SLC4A7: variants seen among roughly 807,000 people sequenced by gnomAD.
The protein encoded by SLC4A7 is solute carrier family 4 member 7.
SLC4A7 carries 51 observed loss-of-function variants against 137.6 expected under a neutral mutation model. That is an observed-to-expected ratio of 0.37 (90% CI 0.30 to 0.47). The LOEUF is 0.47. Among genes scored for constraint, SLC4A7 ranks in the 20% least tolerant of loss-of-function variants. The pLI, the probability that SLC4A7 is intolerant of heterozygous loss-of-function variation, is 1.00. For synonymous variants in SLC4A7, 542 were observed against 518.6 expected (o/e 1.05, Z -0.61); for missense variants, 1,247 against 1,525.4 (o/e 0.82, Z 3.04).
At chr3:27,418,065 A>C (rs1028874441) in intron 11 of SLC4A7, among the ~76,000 whole-genome samples, 3 of 152,218 alleles carry the variant, frequency 2.0e-5, no homozygotes, top group African/African-American at 7.2e-5. Flanking sequence ...TTGAAATAGC[A>C]AAAGACTGGT....
chr3:27,423,969 G>A lies in SLC4A7; in HGVS notation c.1266+68C>T, dbSNP rs754017210. 9 of 928,472 alleles carry A rather than the reference G, an allele frequency of 9.7e-6. No individual in the cohort carries two copies. In the African/African-American group the frequency reaches 1.5e-4, roughly 15 times the overall value. 57.5% of individuals were successfully genotyped at this position (928,472 alleles called of 1,614,324 possible). On this transcript the variant is annotated intron_variant, in intron 8 of 25. Coordinates refer to ENST00000454389, the MANE Select transcript of SLC4A7 (RefSeq NM_001321103.2). ...ACTATCATCAATGTTAATAATATTAGCCACAAATTACTACTTATTTCCTCA... is the reference window on the plus strand; with the variant it reads ...ACTATCATCAATGTTAATAATATTAACCACAAATTACTACTTATTTCCTCA...
chr3:27,416,679 G>A (rs1047282937), intron 11 of SLC4A7, among the ~76,000 whole-genome samples: 2 of 152,096 alleles, frequency 1.3e-5, no homozygotes, highest in African/African-American at 4.8e-5. Context: ...GGTCAACTGT[G>A]TATGTATATA....
In SLC4A7 at chr3:27,416,007, C is replaced by T. The variant is rs536750424; in HGVS notation, c.1659+2479G>A. 4.4e-4 allele frequency among the ~76,000 whole-genome samples: 67 copies of T among 152,334 alleles called. No homozygotes were observed. In the Middle Eastern group the frequency reaches 0.01, roughly 23 times the overall value. Reference sequence around the variant, plus strand: ...TCTATGGTACATACCAAGAATTCAACTTCATCTTACATTTGTATGACTTTT... The same window carrying T: ...TCTATGGTACATACCAAGAATTCAATTTCATCTTACATTTGTATGACTTTT... On this transcript the variant is annotated intron_variant, in intron 11 of 25. Transcript: ENST00000454389.
chr3:27,438,399 G>A (rs1005527207), intron 3 of SLC4A7, among the ~76,000 whole-genome samples: 1 of 151,852 alleles, frequency 6.6e-6, no homozygotes, highest in Non-Finnish European at 1.5e-5. Flanking sequence ...CAGCTACTCC[G>A]GAGGCTGAGG....
chr3:27,462,442 T>C (rs2058750997), intron 1 of SLC4A7: 1 of 152,202 alleles, frequency 6.6e-6, no homozygotes, highest in Non-Finnish European at 1.5e-5. Context: ...TGATGTTTGG[T>C]GTCACTGAGG....
chr3:27,433,432 C>T (rs1185710651), intron 6 of SLC4A7, among the ~76,000 whole-genome samples: 1 of 152,174 alleles, frequency 6.6e-6, no homozygotes, highest in Non-Finnish European at 1.5e-5. Context: ...GCCACACAAC[C>T]TGCCTGTAAC....
intron 19 of SLC4A7, 79 bp downstream of exon 19, chr3:27,394,875 C>T: frequency 6.5e-7 from 1 of 1,536,492 alleles, no homozygotes; most frequent in Non-Finnish European, 8.8e-7. Context: ...CATCTTACAT[C>T]TTTTAATGTT....
chr3:27,458,054 G>C (rs2058503238), intron 1 of SLC4A7, among the ~76,000 whole-genome samples: 1 of 152,110 alleles, frequency 6.6e-6, no homozygotes, highest in South Asian at 2.1e-4. Context: ...TCACAATTCA[G>C]GCAATTAACC....
intron 5 of SLC4A7, among the ~76,000 whole-genome samples, chr3:27,436,138 AC>A (rs1481816332): frequency 6.6e-6 from 1 of 152,224 alleles, no homozygotes; most frequent in African/African-American, 2.4e-5. Context: ...AAACAAGGAA[AC>A]AAAAAACTCT....
At chr3:27,453,098 A>C (rs2371065) in intron 1 of SLC4A7, among the ~76,000 whole-genome samples, 27,668 of 152,198 alleles carry the variant, frequency 0.18, 2,927 homozygotes, top group Non-Finnish European at 0.25. Context: ...TCCCACCTTC[A>C]TAATTTTGTT....
In SLC4A7 at chr3:27,385,977, G is replaced by A. The variant is rs767580317; in HGVS notation, c.3407C>T (p.Thr1136Met). Residue 1136 changes from threonine (T) to methionine (M), a missense_variant, in exon 23 of 26, where the codon ACG (threonine) becomes ATG (methionine). Physicochemically the swap from Thr to Met is moderately conservative, Grantham distance 81. This residue lies in a region of SLC4A7 where 290 missense variants were observed against 323.8 expected (regional missense o/e 0.90). Transcript: ENST00000454389. Reference sequence around the variant, plus strand: ...ATCAAGCCAACTAAGTTCTCTCTTCGTGAAACACAGGTCCATGAGTTTGCG... The same window carrying A: ...ATCAAGCCAACTAAGTTCTCTCTTCATGAAACACAGGTCCATGAGTTTGCG... ...FVRKLMDLCF[T>M]KRELSWLDDL... is the part of the protein sequence containing the mutation. 13 of 1,608,458 alleles carry A rather than the reference G, an allele frequency of 8.1e-6. No individual in the cohort carries two copies. Among genetic ancestry groups the A allele is most frequent in the South Asian group, 6.6e-5 (6 of 90,346 alleles).
chr3:27,387,066 T>C (rs2051034610), intron 22 of SLC4A7, among the ~76,000 whole-genome samples: 4 of 152,206 alleles, frequency 2.6e-5, no homozygotes, highest in Admixed American at 2.0e-4. Context: ...CTGATTTGTC[T>C]ATTCATATGC....
chr3:27,390,707 T>C, intron 21 of SLC4A7, among the ~76,000 whole-genome samples: 1 of 152,062 alleles, frequency 6.6e-6, no homozygotes, highest in Non-Finnish European at 1.5e-5. Context: ...GTTGAAAAAA[T>C]AAAGATGTTT....
intron 1 of SLC4A7, among the ~76,000 whole-genome samples, chr3:27,453,995 A>G (rs2058251714): frequency 6.6e-6 from 1 of 152,152 alleles, no homozygotes; most frequent in Admixed American, 6.5e-5. Context: ...CATGTAGACC[A>G]TGAGACAATT....
At chr3:27,479,156 T>C (rs898215907) in intron 1 of SLC4A7, among the ~76,000 whole-genome samples, 9 of 152,360 alleles carry the variant, frequency 5.9e-5, no homozygotes, top group Non-Finnish European at 1.2e-4. Context: ...GGCTCACGCC[T>C]GTAATCCCAG....
intron 20 of SLC4A7, 65 bp from the exon 21 acceptor site, chr3:27,391,873 G>GTAAT (rs753853353): frequency 2.6e-4 from 226 of 858,824 alleles, no homozygotes; most frequent in Admixed American, 7.2e-4. Context: ...TAATCAGTGA[G>GTAAT]TAATTATAGG....
At position 27,433,770 on chromosome 3, in the gene SLC4A7, C is replaced by T. The variant is rs1047692938; in HGVS notation, c.778+146G>A. ...CTCTTTAATTAATTATACAAGAGGC[C>T]TTGAAAAGAAACAAAGCAGGAAGGA... On this transcript the variant is annotated intron_variant, in intron 6 of 25. Coordinates refer to ENST00000454389, the MANE Select transcript of SLC4A7 (RefSeq NM_001321103.2). The T allele has an allele frequency of 6.3e-6, 4 of 638,914 alleles. No homozygotes were observed. In the Admixed American group the frequency reaches 1.3e-4, roughly 21 times the overall value. The allele number at this position is 638,914 out of a possible 1,614,324, so 39.6% of individuals were successfully genotyped here.
At chr3:27,423,740 AC>A (rs2055242039) in intron 8 of SLC4A7, 2 of 246,508 alleles carry the variant, frequency 8.1e-6, no homozygotes, top group South Asian at 1.4e-4. Context: ...AAAAGTACTG[AC>A]GTTTCACGAT....
intron 22 of SLC4A7, among the ~76,000 whole-genome samples, chr3:27,387,829 G>A (rs970067374): frequency 6.6e-6 from 1 of 152,200 alleles, no homozygotes; most frequent in Non-Finnish European, 1.5e-5. Context: ...AAGAGAGGAA[G>A]AGACAAGGCA....
Sources: allele counts gnomAD v4.1 joint callset (sites outside exome capture counted in the v4.1 genomes callset), GRCh38; gene constraint gnomAD v4.1.1; regional missense constraint gnomAD v4.1.1; transcripts MANE v1.5; gene names NCBI Gene and HGNC (gene_info 2026-07-23, HGNC 2026-07-21).